The following AQP7B variants were observed in gnomAD, a reference collection of about 807,000 sequenced individuals.
AQP7B encodes putative aquaporin-7B.
the AQP7B span, among the ~76,000 whole-genome samples, chr2:94,589,839 C>T: frequency 3.3e-5 from 5 of 152,078 alleles, no homozygotes; most frequent in African/African-American, 4.8e-5. Flanking sequence ...TCTTCAGTTG[C>T]TCAAGCCAGA....
chr2:94,602,158 A>T, the AQP7B span, among the ~76,000 whole-genome samples: 1 of 151,764 alleles, frequency 6.6e-6, no homozygotes, highest in South Asian at 2.1e-4. Flanking sequence ...AGGGGGTGCA[A>T]TGCATGCCAG....
At chr2:94,589,877 C>T in the AQP7B span, among the ~76,000 whole-genome samples, 1 of 152,096 alleles carries the variant, frequency 6.6e-6, no homozygotes, top group Admixed American at 6.6e-5. Context: ...TGATACTTCC[C>T]TCTCCCCCAT....
At chr2:94,598,992 C>T in the AQP7B span, among the ~76,000 whole-genome samples, 11 of 152,160 alleles carry the variant, frequency 7.2e-5, no homozygotes, top group South Asian at 6.2e-4. Context: ...TTAGTAGAGA[C>T]GGGGTTTCAC....
the AQP7B span, among the ~76,000 whole-genome samples, chr2:94,587,818 C>G: frequency 1.3e-5 from 2 of 152,070 alleles, no homozygotes; most frequent in Non-Finnish European, 1.5e-5. Context: ...TCATTCCTCC[C>G]ATGCAGTCCC....
the AQP7B span, among the ~76,000 whole-genome samples, chr2:94,597,612 G>GTTT: frequency 1.2e-4 from 15 of 127,638 alleles, no homozygotes; most frequent in African/African-American, 3.8e-4. Context: ...AGTCTTTTTT[G>GTTT]TTTTTTTTTT....
chr2:94,592,925 G>A, the AQP7B span, among the ~76,000 whole-genome samples: 3 of 143,286 alleles, frequency 2.1e-5, no homozygotes, highest in Non-Finnish European at 4.5e-5. Flanking sequence ...CTGGGCTCAG[G>A]CAATCCTCTC....
the AQP7B span, among the ~76,000 whole-genome samples, chr2:94,594,489 C>A: frequency 6.6e-6 from 1 of 152,214 alleles, no homozygotes; most frequent in Non-Finnish European, 1.5e-5. Flanking sequence ...AAAGTGGCCT[C>A]ATTGGTGTGC....
At chr2:94,600,002 C>T in the AQP7B span, among the ~76,000 whole-genome samples, 2 of 152,074 alleles carry the variant, frequency 1.3e-5, no homozygotes, top group East Asian at 3.9e-4. Flanking sequence ...TCTCAGCCTC[C>T]TGAGTAGCTG....
the AQP7B span, chr2:94,603,725 G>C: frequency 5.3e-6 from 8 of 1,498,960 alleles, no homozygotes; most frequent in Non-Finnish European, 6.3e-6. Context: ...TGGCTGACCA[G>C]GATGCTCCAG....
the AQP7B span, among the ~76,000 whole-genome samples, chr2:94,599,312 G>C: frequency 1.7e-3 from 265 of 152,158 alleles, 7 homozygotes; most frequent in East Asian, 0.045. Context: ...AGCCAGCCCA[G>C]CTCTGGGCTC....
At chr2:94,598,489 G>C in the AQP7B span, among the ~76,000 whole-genome samples, 1 of 152,286 alleles carries the variant, frequency 6.6e-6, no homozygotes, top group Admixed American at 6.5e-5. Flanking sequence ...ACGGGGCAAG[G>C]GTTGTAGATC....
the AQP7B span, among the ~76,000 whole-genome samples, chr2:94,595,903 A>AGCTTGGTCTGT: frequency 6.6e-6 from 1 of 152,296 alleles, no homozygotes; most frequent in African/African-American, 2.4e-5. Context: ...GGAAGGAAAA[A>AGCTTGGTCTGT]GTTGAAGTTC....
At chr2:94,603,278 A>G in the AQP7B span, 1 of 1,412,046 alleles carries the variant, frequency 7.1e-7, no homozygotes, top group South Asian at 1.3e-5. Flanking sequence ...AGCTGGGAGA[A>G]AAAAGCCTTG....
chr2:94,602,707 C>G, the AQP7B span: 4 of 1,321,766 alleles, frequency 3.0e-6, no homozygotes, highest in East Asian at 2.4e-5. Context: ...TTTCCCAGCA[C>G]AGCCAGTGCC....
At chr2:94,602,637 C>G in the AQP7B span, 42 of 1,571,156 alleles carry the variant, frequency 2.7e-5, no homozygotes, top group Admixed American at 8.4e-5. Flanking sequence ...CAGGGCCTAC[C>G]AGACTGGGCA....
chr2:94,594,872 TGGTG>T, the AQP7B span: 1 of 1,510,302 alleles, frequency 6.6e-7, no homozygotes, highest in Non-Finnish European at 9.2e-7. Context: ...TATGTCATGA[TGGTG>T]AGTGGGTGGG....
chr2:94,590,924 G>A, the AQP7B span, among the ~76,000 whole-genome samples: 3 of 121,982 alleles, frequency 2.5e-5, no homozygotes, highest in South Asian at 2.7e-4. Context: ...CAGCCTGGGT[G>A]ACAGAGTGAG....
the AQP7B span, among the ~76,000 whole-genome samples, chr2:94,596,356 G>A: frequency 6.6e-6 from 1 of 152,204 alleles, no homozygotes; most frequent in Non-Finnish European, 1.5e-5. Flanking sequence ...TGCATCTTAT[G>A]CAGGGTCCAG....
chr2:94,592,624 G>T, the AQP7B span, among the ~76,000 whole-genome samples: 4 of 151,986 alleles, frequency 2.6e-5, no homozygotes, highest in Non-Finnish European at 2.9e-5. Flanking sequence ...GGTAGACAGA[G>T]CAGGGAGCCA....
Sources: allele counts gnomAD v4.1 joint callset (sites outside exome capture counted in the v4.1 genomes callset), GRCh38; gene constraint gnomAD v4.1.1; transcripts MANE v1.5; gene names NCBI Gene and HGNC (gene_info 2026-07-23, HGNC 2026-07-21).